The following SLC9A2 variants were observed in gnomAD, a reference collection of about 807,000 sequenced individuals.
SLC9A2 encodes sodium/hydrogen exchanger 2.
In SLC9A2, 42 loss-of-function variants were observed where a neutral mutation model predicts 71.7. The observed-to-expected ratio is 0.59, with a 90% CI of 0.46 to 0.76. SLC9A2 has a LOEUF of 0.76. Among genes scored for constraint, SLC9A2 ranks in the 30% least tolerant of loss-of-function variants. The pLI is 0.00. For synonymous variants in SLC9A2, 396 were observed against 392.5 expected (o/e 1.01, Z -0.10); for missense variants, 829 against 1,017.4 (o/e 0.81, Z 2.52).
chr2:102,666,942 G>A (rs1413972995), intron 3 of SLC9A2, among the ~76,000 whole-genome samples: 2 of 152,040 alleles, frequency 1.3e-5, no homozygotes, highest in Admixed American at 1.3e-4. Flanking sequence ...TTTCTCTTCC[G>A]ATCTGATTAA....
At chr2:102,666,483 C>T (rs1386481744) in intron 3 of SLC9A2, among the ~76,000 whole-genome samples, 2 of 152,144 alleles carry the variant, frequency 1.3e-5, no homozygotes, top group African/African-American at 2.4e-5. Flanking sequence ...AGGTGTGAGC[C>T]ACCGCGCCCA....
Position 102,663,486 on chromosome 2 carries a change from G to C in SLC9A2, c.754-1614G>C, listed in dbSNP as rs1261093231. Among the ~76,000 whole-genome samples the C allele has an allele frequency of 6.2e-4, 94 of 152,344 alleles. 1 individual carries two copies. The highest frequency in any genetic ancestry group is 1.5e-5 in the Non-Finnish European group (1 of 68,032). On this transcript the variant is annotated intron_variant, in intron 2 of 11. Coordinates refer to ENST00000233969, the MANE Select transcript of SLC9A2 (RefSeq NM_003048.6). Reference sequence around the variant, plus strand: ...AACATATTAAACCCATATTGTGGTAGGCTATGACCACAAAGTGAAGTAAAA... The same window carrying C: ...AACATATTAAACCCATATTGTGGTACGCTATGACCACAAAGTGAAGTAAAA...
intron 11 of SLC9A2, among the ~76,000 whole-genome samples, chr2:102,707,339 G>A: frequency 7.3e-6 from 1 of 137,566 alleles, no homozygotes; most frequent in South Asian, 2.3e-4. Flanking sequence ...AATTAACTGA[G>A]AAGAGGGAAA....
At chr2:102,626,304 A>C (rs1363349470) in intron 1 of SLC9A2, among the ~76,000 whole-genome samples, 1 of 152,234 alleles carries the variant, frequency 6.6e-6, no homozygotes, top group Admixed American at 6.5e-5. Context: ...CAAACCTGAC[A>C]AAAACAAGAA....
At chr2:102,632,124 A>G (rs1256809098) in intron 1 of SLC9A2, among the ~76,000 whole-genome samples, 2 of 115,956 alleles carry the variant, frequency 1.7e-5, no homozygotes, top group Admixed American at 9.0e-5. Flanking sequence ...ATATATACAT[A>G]TATACATATA....
rs1277166407 is a variant in SLC9A2 at position 102,620,143 on chromosome 2, C to A, written c.289+6C>A. 5.6e-6 allele frequency: 9 copies of A among 1,593,218 alleles called. No homozygotes were observed. The East Asian group carries it at 1.1e-4, about 20-fold the overall frequency. Reference sequence around the variant, plus strand: ...GGCCTCCCTGGCCAAGATTGGTGAGCGAACTGGACTTGTGGGGAATGGGAG... The same window carrying A: ...GGCCTCCCTGGCCAAGATTGGTGAGAGAACTGGACTTGTGGGGAATGGGAG... On this transcript the variant is annotated splice_donor_region_variant and intron_variant, in intron 1 of 11. Transcript: ENST00000233969.
intron 1 of SLC9A2, among the ~76,000 whole-genome samples, chr2:102,632,809 C>A (rs954536712): frequency 2.0e-5 from 3 of 152,138 alleles, no homozygotes; most frequent in African/African-American, 7.2e-5. Flanking sequence ...CAGATTACAC[C>A]TATCTGCTCT....
chr2:102,682,713 G>A (rs761281721), intron 3 of SLC9A2, among the ~76,000 whole-genome samples: 1 of 152,202 alleles, frequency 6.6e-6, no homozygotes, highest in Non-Finnish European at 1.5e-5. Context: ...AAAAAGAAGT[G>A]AGTGGGTCTA....
chr2:102,692,367 T>C (rs1339012347), intron 5 of SLC9A2, among the ~76,000 whole-genome samples: 1 of 152,202 alleles, frequency 6.6e-6, no homozygotes, highest in African/African-American at 2.4e-5. Context: ...CAGTTTGCAT[T>C]ATCAAAAACA....
intron 10 of SLC9A2, 110 bp downstream of exon 10, chr2:102,704,785 C>A: frequency 8.3e-7 from 1 of 1,211,852 alleles, no homozygotes; most frequent in Non-Finnish European, 1.2e-6. Context: ...GTTGACAGTT[C>A]TCTGAGGAGC....
intron 1 of SLC9A2, among the ~76,000 whole-genome samples, chr2:102,638,826 T>G (rs1264266595): frequency 6.6e-6 from 1 of 152,332 alleles, no homozygotes; most frequent in Non-Finnish European, 1.5e-5. Flanking sequence ...ATCAAAGAAT[T>G]TAACAGTCTT....
intron 8 of SLC9A2, 106 bp downstream of exon 8, chr2:102,701,337 C>G: frequency 1.2e-6 from 1 of 862,674 alleles, no homozygotes; most frequent in Non-Finnish European, 1.7e-6. Context: ...ATTGATCCGC[C>G]CCCCTCGGCC....
At chr2:102,629,775 AC>A (rs1676323134) in intron 1 of SLC9A2, among the ~76,000 whole-genome samples, 1 of 152,134 alleles carries the variant, frequency 6.6e-6, no homozygotes, top group Non-Finnish European at 1.5e-5. Flanking sequence ...CAACCAGACT[AC>A]CATGGCTGCT....
chr2:102,665,467 T>A, intron 3 of SLC9A2, 117 bp downstream of exon 3: 1 of 1,188,578 alleles, frequency 8.4e-7, no homozygotes, highest in Non-Finnish European at 1.2e-6. Flanking sequence ...CTTATTCTTT[T>A]AAGAAAAATT....
At chr2:102,695,552 G>A (rs1251412108) in intron 7 of SLC9A2, among the ~76,000 whole-genome samples, 1 of 151,652 alleles carries the variant, frequency 6.6e-6, no homozygotes, top group Non-Finnish European at 1.5e-5. Context: ...GAAACCATCA[G>A]AAGCTGCCAT....
intron 1 of SLC9A2, among the ~76,000 whole-genome samples, chr2:102,650,317 C>T (rs1676806904): frequency 6.6e-6 from 1 of 151,848 alleles, no homozygotes; most frequent in South Asian, 2.1e-4. Context: ...ACACTGGGGC[C>T]TGTTGGTGGG....
At chr2:102,624,216 A>G (rs1321771883) in intron 1 of SLC9A2, among the ~76,000 whole-genome samples, 3 of 152,220 alleles carry the variant, frequency 2.0e-5, no homozygotes, top group African/African-American at 7.2e-5. Context: ...TACACCTCGG[A>G]AAAGCTTTAA....
chr2:102,709,813 A>G lies in SLC9A2; in HGVS notation c.*1324A>G, dbSNP rs1406696392. The G allele has an allele frequency of 6.6e-6, 1 of 152,220 alleles. No homozygotes were observed. The allele number at this position is 152,220 out of a possible 1,614,324, so 9.4% of individuals were successfully genotyped here. A position where few individuals can be genotyped will look rare whatever the true frequency, so the allele number is the denominator to read the frequency against. On this transcript the variant is annotated 3_prime_UTR_variant, in exon 12 of 12. Coordinates refer to ENST00000233969, the MANE Select transcript of SLC9A2 (RefSeq NM_003048.6). The stretch of plus-strand genomic sequence containing the variant: ...TTTATTGGCCTGTTTTTTTTTTCTA[A>G]ATAATTCTTTAAAACTTGACTGGAA...
chr2:102,643,179 C>T (rs185115299), intron 1 of SLC9A2, among the ~76,000 whole-genome samples: 277 of 152,270 alleles, frequency 1.8e-3, no homozygotes, highest in Admixed American at 0.017. Flanking sequence ...CGTCCATGTT[C>T]TCTGCGTTCT....
Sources: gnomAD v4.1 joint callset for allele counts (sites outside exome capture counted in the v4.1 genomes callset) on GRCh38, gnomAD v4.1.1 for gene constraint, MANE v1.5 for transcripts, NCBI Gene and HGNC (gene_info 2026-07-23, HGNC 2026-07-21) for gene names.